NCAPD2: variants seen among roughly 807,000 people sequenced by gnomAD.
The protein encoded by NCAPD2 is condensin complex subunit 1.
Under a neutral mutation model 164.5 loss-of-function variants are expected in NCAPD2, and 100 were observed. The observed-to-expected ratio is 0.61, with a 90% CI of 0.52 to 0.72. The LOEUF (loss-of-function observed/expected upper bound fraction) is 0.72. NCAPD2 is among the 30% of genes least tolerant of loss of function. The pLI, the probability that NCAPD2 is intolerant of heterozygous loss-of-function variation, is 0.00. For missense variants in NCAPD2, 1,560 were observed against 1,749.2 expected (o/e 0.89, Z 1.93); for synonymous variants, 585 against 642.6 (o/e 0.91, Z 1.36).
chr12:6,523,670 T>G (rs899123979), intron 17 of NCAPD2, among the ~76,000 whole-genome samples: 2 of 152,238 alleles, frequency 1.3e-5, no homozygotes, highest in Non-Finnish European at 2.9e-5. Flanking sequence ...GTGCTGGGAT[T>G]ACAGGCGTGA....
At position 6,523,282 on chromosome 12, in the gene NCAPD2, T is replaced by C; in HGVS notation, c.2150T>C (p.Ile717Thr). 6.2e-7 allele frequency: 1 copy of C among 1,614,208 alleles called. No homozygotes were observed. Among genetic ancestry groups the C allele is most frequent in the South Asian group, 1.1e-5 (1 of 91,088 alleles). ...DSARAKAQAL[I>T]QNLSLLLVDA... ...CACAGAGCCAAGGCCCAGGCTTTGA[T>C]TCAGAATCTCTCTCTGCTGCTAGTG... is the stretch of plus-strand genomic sequence containing the variant. Residue 717 changes from isoleucine to threonine, a missense_variant, in exon 17 of 32, where the codon ATT becomes ACT. Coordinates refer to ENST00000315579, the MANE Select transcript of NCAPD2 (RefSeq NM_014865.4).
intron 2 of NCAPD2, among the ~76,000 whole-genome samples, chr12:6,506,686 TA>T (rs987004084): frequency 4.6e-5 from 7 of 151,262 alleles, no homozygotes; most frequent in African/African-American, 1.5e-4. Context: ...TATGTAGCTT[TA>T]AAAAAAAATT....
chr12:6,518,508 T>TTGTTTTTTTTTTTTTTTG (rs796161815), intron 13 of NCAPD2, among the ~76,000 whole-genome samples: 1 of 91,142 alleles, frequency 1.1e-5, no homozygotes, highest in African/African-American at 5.0e-5. Context: ...CAACAAGTTT[T>TTGTTTTTTTTTTTTTTTG]TTTTTTTTTT....
chr12:6,508,043 T>A (rs143038896), intron 2 of NCAPD2, among the ~76,000 whole-genome samples: 5 of 151,632 alleles, frequency 3.3e-5, no homozygotes, highest in African/African-American at 4.9e-5. Flanking sequence ...AAAAAAAAAT[T>A]AGCTGGGCCG....
intron 21 of NCAPD2, 135 bp downstream of exon 21, chr12:6,526,750 G>A: frequency 7.0e-7 from 1 of 1,428,660 alleles, no homozygotes; most frequent in Non-Finnish European, 9.5e-7. Flanking sequence ...TTGAAGTTGG[G>A]CCAGTTCCCA....
In NCAPD2 at chr12:6,510,464, A is replaced by G. The variant is rs141234350; in HGVS notation, c.263-165A>G. The G allele has an allele frequency of 1.6e-4, 134 of 842,018 alleles. No individual in the cohort carries two copies. The African/African-American group carries it at 1.9e-3, about 12-fold the overall frequency. 52.2% of individuals were successfully genotyped at this position (842,018 alleles called of 1,614,324 possible). A position where few individuals can be genotyped will look rare whatever the true frequency, so the allele number is the denominator to read the frequency against. ...GAGAGAGTAGGAACAGGGCATGTTCAGGGTATCAGGGCCAAGGGTCCTAAA... is the reference window on the plus strand; with the variant it reads ...GAGAGAGTAGGAACAGGGCATGTTCGGGGTATCAGGGCCAAGGGTCCTAAA... On this transcript the variant is annotated intron_variant, in intron 4 of 31. Transcript: ENST00000315579.
intron 2 of NCAPD2, among the ~76,000 whole-genome samples, chr12:6,505,183 A>C (rs1592166700): frequency 6.6e-6 from 1 of 151,964 alleles, no homozygotes; most frequent in Admixed American, 6.6e-5. Context: ...TCTCCTGCCT[A>C]AGCCTCCCAA....
At chr12:6,504,488 G>C (rs776887715) in intron 2 of NCAPD2, among the ~76,000 whole-genome samples, 4 of 151,930 alleles carry the variant, frequency 2.6e-5, no homozygotes, top group Non-Finnish European at 5.9e-5. Flanking sequence ...CACCTGCTGG[G>C]TTCAAGTGAT....
chr12:6,514,372 C>G lies in NCAPD2; in HGVS notation c.695C>G (p.Thr232Ser), dbSNP rs759171639. ...AITHLLGVALTRYNHMLSATV... is the reference protein window; with the variant it reads ...AITHLLGVALSRYNHMLSATV... The stretch of plus-strand genomic sequence containing the variant: ...ACACACCTGCTTGGTGTAGCCTTGA[C>G]CCGTTATAACCATATGCTCAGTAAG... The change falls in exon 7 of 32, where the codon ACC becomes AGC. Residue 232 changes from threonine to serine, a missense_variant. Coordinates refer to ENST00000315579, the MANE Select transcript of NCAPD2 (RefSeq NM_014865.4). 5 of 1,614,200 alleles carry G rather than the reference C, an allele frequency of 3.1e-6. 1 individual carries two copies. The highest frequency in any genetic ancestry group is 1.6e-4 in the Middle Eastern group (1 of 6,062).
At chr12:6,511,851 G>A (rs1443526189) in intron 6 of NCAPD2, among the ~76,000 whole-genome samples, 1 of 151,994 alleles carries the variant, frequency 6.6e-6, no homozygotes, top group Admixed American at 6.6e-5. Context: ...GTGCATGGTG[G>A]TGTGTGCCTG....
rs757707998 is a variant in NCAPD2 at position 6,527,761 on chromosome 12, A to G, written c.2908-16A>G. On this transcript the variant is annotated splice_polypyrimidine_tract_variant and intron_variant, in intron 22 of 31. Coordinates refer to ENST00000315579, the MANE Select transcript of NCAPD2 (RefSeq NM_014865.4). ...TGTCTCTGCTTATCCATGATCCCCA[A>G]TTTCATTCCCTTTAGAATACGAGCT... The G allele has an allele frequency of 8.5e-5, 136 of 1,599,174 alleles. No homozygotes were observed. In the Admixed American group the frequency reaches 2.1e-3, roughly 25 times the overall value.
chr12:6,522,446 C>T (rs1251638186), intron 15 of NCAPD2, among the ~76,000 whole-genome samples: 2 of 151,938 alleles, frequency 1.3e-5, no homozygotes, highest in East Asian at 1.9e-4. Context: ...ACTAACTGGG[C>T]GTGATGGCAC....
At chr12:6,519,347 TA>T (rs1946243203) in intron 13 of NCAPD2, among the ~76,000 whole-genome samples, 1 of 152,158 alleles carries the variant, frequency 6.6e-6, no homozygotes, top group African/African-American at 2.4e-5. Flanking sequence ...TCCTGTCAAT[TA>T]GAAAAGGATT....
intron 1 of NCAPD2, among the ~76,000 whole-genome samples, chr12:6,494,496 CAAACAGCCT>C (rs1435513171): frequency 6.6e-6 from 1 of 152,216 alleles, no homozygotes; most frequent in Non-Finnish European, 1.5e-5. Flanking sequence ...ATGATACATG[CAAACAGCCT>C]AACAGACTTG....
Position 6,517,329 on chromosome 12 carries a change from G to A in NCAPD2, c.1186-36G>A, listed in dbSNP as rs191742553. ...ATCTTGAACAAAATGGATGATGTGG[G>A]ACTTGAGCAGATTCTTCTCTTCCTA... On this transcript the variant is annotated intron_variant, in intron 10 of 31. Coordinates refer to ENST00000315579, the MANE Select transcript of NCAPD2 (RefSeq NM_014865.4). The A allele has an allele frequency of 7.5e-6, 12 of 1,606,274 alleles. No individual in the cohort carries two copies. In the African/African-American group the frequency reaches 1.3e-4, roughly 18 times the overall value.
In NCAPD2 at chr12:6,522,974, T is replaced by A; in HGVS notation, c.2101T>A (p.Tyr701Asn). The change falls in exon 16 of 32, where the codon TAC becomes AAC. Residue 701 changes from tyrosine (Y) to asparagine (N), a missense_variant. Transcript: ENST00000315579. ...CGTGCTTAATGCCTACCGCCAACTC[T>A]ACCTCAACCCCAAAGGGGACTCTGC... ...EAVLNAYRQL[Y>N]LNPKGDSARA... is the part of the protein sequence containing the mutation. 1 of 1,614,230 alleles carries A rather than the reference T, an allele frequency of 6.2e-7. No homozygotes were observed. The highest frequency in any genetic ancestry group is 8.5e-7 in the Non-Finnish European group (1 of 1,180,042).
intron 15 of NCAPD2, 135 bp from the exon 16 acceptor site, chr12:6,522,693 T>C (rs939103818): frequency 2.6e-5 from 24 of 916,630 alleles, no homozygotes; most frequent in Non-Finnish European, 3.2e-5. Context: ...TAAGGCATCA[T>C]AGGAGGAGTC....
rs777791363 is a variant in NCAPD2, at chr12:6,521,893, G to A, written c.1810G>A (p.Asp604Asn). 5 of 1,614,102 alleles carry A rather than the reference G, an allele frequency of 3.1e-6. No homozygotes were observed. The highest frequency in any genetic ancestry group is 1.6e-4 in the Middle Eastern group (1 of 6,062). ...CTGTAAAAATAAACCCAATATGTCGGATCCTGAGGAATCCAGGGGAAATGA... is the reference window on the plus strand; with the variant it reads ...CTGTAAAAATAAACCCAATATGTCGAATCCTGAGGAATCCAGGGGAAATGA... ...TVCKNKPNMS[D>N]PEESRGNDEL... Residue 604 changes from aspartate (D) to asparagine (N), a missense_variant, in exon 15 of 32, where the codon GAT becomes AAT. Asp to Asn is a conservative substitution (Grantham distance 23). Transcript: ENST00000315579.
At chr12:6,494,610 G>A (rs1945958456) in intron 1 of NCAPD2, among the ~76,000 whole-genome samples, 1 of 152,194 alleles carries the variant, frequency 6.6e-6, no homozygotes, top group African/African-American at 2.4e-5. Context: ...GGCCTCAGAC[G>A]AGATCAGACC....
Sources: gnomAD v4.1 joint callset for allele counts (sites outside exome capture counted in the v4.1 genomes callset) on GRCh38, gnomAD v4.1.1 for gene constraint, MANE v1.5 for transcripts, NCBI Gene and HGNC (gene_info 2026-07-23, HGNC 2026-07-21) for gene names.